TPRG1: variants seen among roughly 807,000 people sequenced by gnomAD.
The protein encoded by TPRG1 is tumor protein p63-regulated gene 1 protein.
Under a neutral mutation model 29.3 loss-of-function variants are expected in TPRG1, and 29 were observed. The ratio of observed to expected loss-of-function variants is 0.99; its 90% CI spans 0.74 to 1.35. The LOEUF (loss-of-function observed/expected upper bound fraction) is 1.35, where lower values mean the gene tolerates loss of function less well. Ranked by LOEUF, TPRG1 falls within the 40% of genes most tolerant of loss-of-function variation. TPRG1 has a pLI of 0.00. For synonymous variants in TPRG1, 130 were observed against 116.8 expected (o/e 1.11, Z -0.73); for missense variants, 327 against 335.0 (o/e 0.98, Z 0.19).
intron 4 of TPRG1, among the ~76,000 whole-genome samples, chr3:189,090,826 T>G (rs1718290211): frequency 1.3e-5 from 2 of 152,118 alleles, no homozygotes; most frequent in Non-Finnish European, 1.5e-5. Context: ...TAACAAATCT[T>G]TGTCTCTGAC....
chr3:189,065,565 G>A (rs1716383499), intron 4 of TPRG1, among the ~76,000 whole-genome samples: 1 of 150,852 alleles, frequency 6.6e-6, no homozygotes, highest in African/African-American at 2.4e-5. Context: ...AAAAAAAAAA[G>A]GCAATGATGA....
upstream of TPRG1, among the ~76,000 whole-genome samples, chr3:189,099,191 A>G (rs1267834388): frequency 6.6e-6 from 1 of 151,954 alleles, no homozygotes; most frequent in Non-Finnish European, 1.5e-5. Context: ...TACCCCCACC[A>G]TGGCTAGCTT....
intron 5 of TPRG1, among the ~76,000 whole-genome samples, chr3:189,312,746 A>G (rs1166738689): frequency 6.6e-6 from 1 of 152,236 alleles, no homozygotes; most frequent in Non-Finnish European, 1.5e-5. Context: ...AAAGATGAAA[A>G]GTAAAATATC....
At chr3:189,123,855 T>G (rs945448393) in intron 1 of TPRG1, among the ~76,000 whole-genome samples, 8 of 152,158 alleles carry the variant, frequency 5.3e-5, no homozygotes, top group African/African-American at 1.9e-4. Flanking sequence ...GGACTGGAAA[T>G]GTGCCCGGGA....
At chr3:189,236,772 CCTTT>C (rs1739526770) in intron 3 of TPRG1, among the ~76,000 whole-genome samples, 1 of 152,106 alleles carries the variant, frequency 6.6e-6, no homozygotes, top group African/African-American at 2.4e-5. Flanking sequence ...TTCTGCTTCT[CCTTT>C]CTTTCTTTCA....
chr3:189,226,804 A>C (rs77611255), intron 3 of TPRG1, among the ~76,000 whole-genome samples: 2,363 of 151,234 alleles, frequency 0.016, 73 homozygotes, highest in African/African-American at 0.054. Flanking sequence ...TGACAAAAAA[A>C]AAAAAAAAGA....
chr3:189,184,797 A>G (rs1459716984), intron 1 of TPRG1, among the ~76,000 whole-genome samples: 2 of 152,148 alleles, frequency 1.3e-5, no homozygotes, highest in African/African-American at 4.8e-5. Context: ...CATCCCCTGC[A>G]TGGTGTACAT....
chr3:189,004,627 G>A (rs1199862373), exon 3 of TPRG1: 1 of 152,182 alleles, frequency 6.6e-6, no homozygotes, highest in East Asian at 1.9e-4. Context: ...CTGAATGACT[G>A]CATGGAGCAG....
intron 4 of TPRG1, among the ~76,000 whole-genome samples, chr3:189,075,321 G>C (rs543425916): frequency 2.6e-5 from 4 of 151,870 alleles, no homozygotes; most frequent in Non-Finnish European, 5.9e-5. Context: ...TTTTAGTAGA[G>C]ATGGGGTTTC....
intron 4 of TPRG1, among the ~76,000 whole-genome samples, chr3:189,029,807 G>A (rs1015098666): frequency 6.6e-6 from 1 of 152,064 alleles, no homozygotes; most frequent in Non-Finnish European, 1.5e-5. Flanking sequence ...ATGAGATTTG[G>A]TTGTTTATTA....
intron 3 of TPRG1, among the ~76,000 whole-genome samples, chr3:189,226,340 A>T (rs1235156739): frequency 4.6e-5 from 7 of 152,216 alleles, no homozygotes; most frequent in Non-Finnish European, 2.9e-5. Context: ...CTCTGACTAC[A>T]ATGAGTCAAA....
chr3:189,045,545 T>A (rs1560412349), intron 4 of TPRG1, among the ~76,000 whole-genome samples: 1 of 152,242 alleles, frequency 6.6e-6, no homozygotes, highest in Admixed American at 6.5e-5. Context: ...TGTCTACACT[T>A]CAGCTTCTTA....
chr3:189,168,278 A>G (rs991611545), upstream of TPRG1, among the ~76,000 whole-genome samples: 1 of 152,192 alleles, frequency 6.6e-6, no homozygotes, highest in Non-Finnish European at 1.5e-5. Context: ...AGCTCATCTG[A>G]TAAGGGACAG....
intron 5 of TPRG1, among the ~76,000 whole-genome samples, chr3:189,155,662 G>A (rs953996079): frequency 6.6e-6 from 1 of 152,194 alleles, no homozygotes; most frequent in African/African-American, 2.4e-5. Context: ...CTTTAAAAAA[G>A]AGTAAAATCC....
chr3:189,058,358 T>A lies in TPRG1; in HGVS notation c.-463+34412T>A, dbSNP rs1435898090. 2.6e-5 allele frequency among the ~76,000 whole-genome samples: 4 copies of A among 152,226 alleles called. No homozygotes were observed. The East Asian group carries it at 7.7e-4, about 29-fold the overall frequency. On this transcript the variant is annotated intron_variant, in intron 4 of 10. Transcript: ENST00000433971. ...ATTATTTTCTTTGTACTCAGGAGTG[T>A]AACGTCGGTACACAGAAAGTCTCCA...
chr3:189,239,183 A>G (rs145993565), intron 4 of TPRG1, among the ~76,000 whole-genome samples: 1 of 152,334 alleles, frequency 6.6e-6, no homozygotes, highest in Non-Finnish European at 1.5e-5. Flanking sequence ...ACAGTTCCAC[A>G]TGGCTGGGGA....
chr3:189,018,854 T>C (rs1409431228), intron 3 of TPRG1, among the ~76,000 whole-genome samples: 1 of 148,956 alleles, frequency 6.7e-6, no homozygotes, highest in Admixed American at 6.7e-5. Flanking sequence ...TGATTCTTCC[T>C]ACCCATGAGC....
intron 3 of TPRG1, among the ~76,000 whole-genome samples, chr3:189,220,887 A>G (rs1014351620): frequency 6.6e-6 from 1 of 152,190 alleles, no homozygotes; most frequent in Non-Finnish European, 1.5e-5. Context: ...TATTGTGAAA[A>G]GTGCAAATGT....
At chr3:189,072,057 G>A (rs1716842008) in intron 4 of TPRG1, among the ~76,000 whole-genome samples, 1 of 152,170 alleles carries the variant, frequency 6.6e-6, no homozygotes, top group Non-Finnish European at 1.5e-5. Context: ...GCCTTTGTCA[G>A]GCTGACTTGA....
Sources: gnomAD v4.1 joint callset for allele counts (sites outside exome capture counted in the v4.1 genomes callset) on GRCh38, gnomAD v4.1.1 for gene constraint, MANE v1.5 for transcripts, NCBI Gene and HGNC (gene_info 2026-07-23, HGNC 2026-07-21) for gene names.